RNF122: variants seen among roughly 807,000 people sequenced by gnomAD.
RNF122 encodes the protein ring finger protein 122.
A neutral mutation model predicts 24.2 loss-of-function variants in RNF122; 17 were observed. The ratio of observed to expected loss-of-function variants is 0.70; its 90% CI spans 0.48 to 1.06. The LOEUF is 1.06. RNF122 is among the 50% of genes least tolerant of loss of function. RNF122 has a pLI of 0.00. For synonymous variants in RNF122, 65 were observed against 71.8 expected (o/e 0.91, Z 0.48); for missense variants, 168 against 198.1 (o/e 0.85, Z 0.91).
intron 5 of RNF122, among the ~76,000 whole-genome samples, chr8:33,549,095 C>G (rs1810332399): frequency 6.6e-6 from 1 of 152,002 alleles, no homozygotes; most frequent in Non-Finnish European, 1.5e-5. Context: ...GCGGTGGACA[C>G]CTGTAATCCC....
intron 2 of RNF122, among the ~76,000 whole-genome samples, chr8:33,556,890 G>A (rs367701518): frequency 6.6e-6 from 1 of 152,324 alleles, no homozygotes; most frequent in African/African-American, 2.4e-5. Flanking sequence ...GAGTGGTGGG[G>A]AGATGTGCCT....
At chr8:33,560,754 T>C (rs529693346) in intron 1 of RNF122, among the ~76,000 whole-genome samples, 13 of 152,020 alleles carry the variant, frequency 8.6e-5, no homozygotes, top group African/African-American at 2.7e-4. Flanking sequence ...CTGGCCAACA[T>C]GGTGAAACTC....
intron 1 of RNF122, 88 bp from the exon 2 acceptor site, chr8:33,558,859 C>T (rs189007538): frequency 3.6e-6 from 4 of 1,107,520 alleles, no homozygotes; most frequent in Non-Finnish European, 5.0e-6. Context: ...AAATAACTGG[C>T]AGGCTCTGGG....
At chr8:33,565,589 C>T (rs978839186) in intron 1 of RNF122, among the ~76,000 whole-genome samples, 6 of 152,168 alleles carry the variant, frequency 3.9e-5, no homozygotes, top group East Asian at 1.9e-4. Flanking sequence ...TCAGGTAGCT[C>T]GCTGAGGAAT....
At chr8:33,558,313 C>G (rs1021312135) in intron 2 of RNF122, among the ~76,000 whole-genome samples, 2 of 152,142 alleles carry the variant, frequency 1.3e-5, no homozygotes, top group African/African-American at 4.8e-5. Flanking sequence ...GAAGGGACCA[C>G]TAACTTTATT....
In RNF122 at chr8:33,566,809, G is replaced by T; in HGVS notation, c.-86C>A. 1.4e-6 allele frequency: 2 copies of T among 1,472,908 alleles called. No homozygotes were observed. The highest frequency in any genetic ancestry group is 1.9e-6 in the Non-Finnish European group (2 of 1,074,518). The allele number at this position is 1,472,908 out of a possible 1,614,324, so 91.2% of individuals were successfully genotyped here. Reference sequence around the variant, plus strand: ...GGGTGGGAGCACTAGCGGCGTGAGGGGCCGCAGGCGGGGTCGGGGCAGCGC... The same window carrying T: ...GGGTGGGAGCACTAGCGGCGTGAGGTGCCGCAGGCGGGGTCGGGGCAGCGC... On this transcript the variant is annotated 5_prime_UTR_variant, in exon 1 of 6. Coordinates refer to ENST00000256257, the MANE Select transcript of RNF122 (RefSeq NM_024787.3).
chr8:33,554,859 GA>G (rs1438428735), intron 2 of RNF122, among the ~76,000 whole-genome samples: 1 of 152,212 alleles, frequency 6.6e-6, no homozygotes, highest in African/African-American at 2.4e-5. Context: ...AGCTCTGAGA[GA>G]GGGGGAAGAA....
Position 33,548,523 on chromosome 8 carries a change from T to C in RNF122, c.*230A>G, listed in dbSNP as rs1810321772. On this transcript the variant is annotated 3_prime_UTR_variant, in exon 6 of 6. Coordinates refer to ENST00000256257, the MANE Select transcript of RNF122 (RefSeq NM_024787.3). ...ACCAGGAGACAGTGGTCTTGATGGGTGAGGCCACCAGCATGGAGTAGCAGG... is the reference window on the plus strand; with the variant it reads ...ACCAGGAGACAGTGGTCTTGATGGGCGAGGCCACCAGCATGGAGTAGCAGG... 4 of 448,264 alleles carry C rather than the reference T, an allele frequency of 8.9e-6. No homozygotes were observed. Among genetic ancestry groups the C allele is most frequent in the Middle Eastern group, 6.2e-4 (1 of 1,626 alleles). 27.8% of individuals were successfully genotyped at this position (448,264 alleles called of 1,614,324 possible). A position where few individuals can be genotyped will look rare whatever the true frequency, so the allele number is the denominator to read the frequency against.
intron 4 of RNF122, 60 bp downstream of exon 4, chr8:33,550,984 G>GC: frequency 1.3e-6 from 2 of 1,528,262 alleles, no homozygotes; most frequent in South Asian, 2.2e-5. Flanking sequence ...GAGAACTGGA[G>GC]CAAGGTGCTG....
At chr8:33,550,032 C>CA (rs1420292952) in intron 4 of RNF122, among the ~76,000 whole-genome samples, 3 of 151,842 alleles carry the variant, frequency 2.0e-5, no homozygotes, top group African/African-American at 7.3e-5. Flanking sequence ...CTCCCAGATT[C>CA]AAGCAATTCT....
Position 33,549,406 on chromosome 8 carries a change from G to A in RNF122, c.353+4C>T, listed in dbSNP as rs751665030. 83 of 1,612,362 alleles carry A rather than the reference G, an allele frequency of 5.1e-5. 1 individual carries two copies. The highest frequency in any genetic ancestry group is 1.4e-4 in the South Asian group (13 of 91,066). On this transcript the variant is annotated splice_donor_region_variant and intron_variant, in intron 5 of 5. Coordinates refer to ENST00000256257, the MANE Select transcript of RNF122 (RefSeq NM_024787.3). ...ACGGGCACCCTGGACACATTCCCAC[G>A]TACTTGCGGTGAAAGGCGTGTTGGC... is the stretch of plus-strand genomic sequence containing the variant.
At chr8:33,564,572 C>CA (rs11374339) in intron 1 of RNF122, among the ~76,000 whole-genome samples, 89,237 of 149,940 alleles carry the variant, frequency 0.6, 27,824 homozygotes, top group African/African-American at 0.8. Flanking sequence ...GACCCTCTCT[C>CA]AAAAAAAAAA....
chr8:33,549,267 T>G (rs1585355165), intron 5 of RNF122, 143 bp downstream of exon 5: 1 of 709,288 alleles, frequency 1.4e-6, no homozygotes, highest in South Asian at 1.6e-5. Flanking sequence ...ACCTAATCCC[T>G]CTGGGCTTTG....
At chr8:33,565,681 C>A (rs1810611540) in intron 1 of RNF122, among the ~76,000 whole-genome samples, 1 of 152,206 alleles carries the variant, frequency 6.6e-6, no homozygotes, top group Admixed American at 6.5e-5. Flanking sequence ...ATCACCCAGG[C>A]CTGGGGAGAA....
rs377115228 is a variant in RNF122 at position 33,558,695 on chromosome 8, C to T, written c.102G>A (p.Pro34=). Residue 34 remains proline (P), a synonymous_variant, in exon 2 of 6, where the codon CCG becomes CCA. Transcript: ENST00000256257. Reference sequence around the variant, plus strand: ...CGAAGATGACCATATAGATGTTGAGCGGAAGGTCCTGGAAACTGATGGGTG... The same window carrying T: ...CGAAGATGACCATATAGATGTTGAGTGGAAGGTCCTGGAAACTGATGGGTG... ...SMPPISFQDL[P]LNIYMVIFGT... The T allele has an allele frequency of 4.5e-5, 73 of 1,612,186 alleles. No homozygotes were observed. Among genetic ancestry groups the T allele is most frequent in the Non-Finnish European group, 5.7e-5 (67 of 1,178,810 alleles).
intron 3 of RNF122, 123 bp from the exon 4 acceptor site, chr8:33,551,208 A>C: frequency 6.8e-7 from 1 of 1,464,378 alleles, no homozygotes; most frequent in Non-Finnish European, 9.6e-7. Flanking sequence ...CAGACACTGA[A>C]GGGGTTTAGC....
In RNF122 at chr8:33,566,846, CCTG is replaced by C; in HGVS notation, c.-126_-124del. On this transcript the variant is annotated 5_prime_UTR_variant, in exon 1 of 6. Coordinates refer to ENST00000256257, the MANE Select transcript of RNF122 (RefSeq NM_024787.3). ...GGTCGGGGCAGCGCGCTGCAGCCGC[CCTG>C]CTGGAGAAGCCGAACTCCCTCCGGA... 8.7e-7 allele frequency: 1 copy of C among 1,146,670 alleles called. No homozygotes were observed. Among genetic ancestry groups the C allele is most frequent in the Non-Finnish European group, 1.3e-6 (1 of 784,810 alleles). The allele number at this position is 1,146,670 out of a possible 1,614,324, so 71.0% of individuals were successfully genotyped here. A position where few individuals can be genotyped will look rare whatever the true frequency, so the allele number is the denominator to read the frequency against.
At chr8:33,551,137 C>A in intron 3 of RNF122, 52 bp from the exon 4 acceptor site, 1 of 1,599,414 alleles carries the variant, frequency 6.3e-7, no homozygotes, top group Non-Finnish European at 8.6e-7. Context: ...CCACTGGGGC[C>A]AGCCAGGTAG....
At chr8:33,555,483 G>A (rs1007862344) in intron 2 of RNF122, among the ~76,000 whole-genome samples, 2 of 152,166 alleles carry the variant, frequency 1.3e-5, no homozygotes, top group Admixed American at 1.3e-4. Flanking sequence ...GATTACAGGC[G>A]TGAGCCACCA....
Sources: allele counts gnomAD v4.1 joint callset (sites outside exome capture counted in the v4.1 genomes callset), GRCh38; gene constraint gnomAD v4.1.1; transcripts MANE v1.5; gene names NCBI Gene and HGNC (gene_info 2026-07-23, HGNC 2026-07-21).